GARIN5B: variants seen among roughly 807,000 people sequenced by gnomAD.
The protein encoded by GARIN5B is Golgi-associated RAB2 interactor protein 5B.
chr19:55,358,628 A>G, the GARIN5B span: 9 of 1,551,340 alleles, frequency 5.8e-6, no homozygotes, highest in Non-Finnish European at 5.2e-6. Context: ...CCCCTCCAGT[A>G]AGGACAGCTG....
chr19:55,359,269 A>C, the GARIN5B span: 1 of 1,545,890 alleles, frequency 6.5e-7, no homozygotes. Context: ...GGGATGGGGC[A>C]GGGAGGAGTA....
the GARIN5B span, chr19:55,362,358 G>A: frequency 7.9e-3 from 12,286 of 1,550,548 alleles, 111 homozygotes; most frequent in East Asian, 0.029. Context: ...TTGATGAGGC[G>A]GACCCAGCAG....
the GARIN5B span, among the ~76,000 whole-genome samples, chr19:55,357,438 A>G: frequency 6.6e-6 from 1 of 152,194 alleles, no homozygotes. Flanking sequence ...CCCGTGGTCC[A>G]GCACATTACA....
At chr19:55,355,309 C>T in the GARIN5B span, 35 of 1,550,116 alleles carry the variant, frequency 2.3e-5, no homozygotes, top group South Asian at 3.7e-4. Flanking sequence ...GTTAAGCCCC[C>T]GCATCCGGCC....
At chr19:55,362,687 G>A in the GARIN5B span, 114 of 1,543,942 alleles carry the variant, frequency 7.4e-5, no homozygotes, top group Non-Finnish European at 8.9e-5. Flanking sequence ...ATGGCCAGCC[G>A]GTTGGTTCTG....
chr19:55,357,985 C>T, the GARIN5B span, among the ~76,000 whole-genome samples: 5 of 149,566 alleles, frequency 3.3e-5, no homozygotes, highest in African/African-American at 9.9e-5. Context: ...ACCCAGGAGG[C>T]GGAGGTTGCA....
At chr19:55,355,938 G>A in the GARIN5B span, among the ~76,000 whole-genome samples, 1 of 148,860 alleles carries the variant, frequency 6.7e-6, no homozygotes, top group Admixed American at 6.7e-5. Context: ...AGTGAGCTGT[G>A]ATGGCATCAC....
the GARIN5B span, chr19:55,362,710 A>T: frequency 6.5e-7 from 1 of 1,538,308 alleles, no homozygotes; most frequent in Non-Finnish European, 8.8e-7. Context: ...ATTCACGAAC[A>T]CTGGGCCCCC....
At chr19:55,362,144 C>A in the GARIN5B span, 1 of 1,413,820 alleles carries the variant, frequency 7.1e-7, no homozygotes. Flanking sequence ...GGGTCCAGGC[C>A]CCCGGCCTAG....
the GARIN5B span, chr19:55,362,787 C>T: frequency 6.7e-7 from 1 of 1,497,122 alleles, no homozygotes; most frequent in East Asian, 2.5e-5. Context: ...GCAGCCACAG[C>T]CTGAGCCTCC....
chr19:55,363,129 C>G, the GARIN5B span: 1 of 1,408,404 alleles, frequency 7.1e-7, no homozygotes, highest in South Asian at 1.6e-5. This position sits in a 1 kb window ranked among gnomAD's most constrained non-coding sequence, Gnocchi z 4.0. Context: ...GGCCTCCCAG[C>G]CCCGGCCCAC....
the GARIN5B span, chr19:55,362,749 G>A: frequency 1.3e-6 from 2 of 1,522,368 alleles, no homozygotes; most frequent in East Asian, 2.5e-5. Context: ...CAGCCAGGGA[G>A]AGGGGGCTGG....
chr19:55,358,436 C>G, the GARIN5B span: 1 of 1,514,356 alleles, frequency 6.6e-7, no homozygotes, highest in South Asian at 1.3e-5. Flanking sequence ...CTGGGAGATT[C>G]CTTCCCTCTT....
the GARIN5B span, among the ~76,000 whole-genome samples, chr19:55,355,909 C>T: frequency 6.6e-6 from 1 of 151,408 alleles, no homozygotes; most frequent in East Asian, 1.9e-4. Flanking sequence ...TCACCTGAGC[C>T]TGGGTAGCTT....
At chr19:55,362,202 C>T in the GARIN5B span, 1 of 1,473,140 alleles carries the variant, frequency 6.8e-7, no homozygotes, top group Admixed American at 2.5e-5. Context: ...CCGGAGGGTT[C>T]CTGGGGCCTG....
the GARIN5B span, chr19:55,355,204 G>A: frequency 6.1e-3 from 447 of 72,714 alleles, 1 homozygote; most frequent in Non-Finnish European, 8.6e-3. Context: ...CTCCTCCCTC[G>A]CCCCCCTCCC....
At chr19:55,361,094 G>T in the GARIN5B span, 12 of 1,551,112 alleles carry the variant, frequency 7.7e-6, no homozygotes, top group Admixed American at 1.8e-4. Flanking sequence ...TTGAAACTGC[G>T]CTTGAGCGCC....
the GARIN5B span, chr19:55,355,408 A>G: frequency 2.0e-6 from 3 of 1,514,990 alleles, no homozygotes; most frequent in East Asian, 2.5e-5. Context: ...AGGGGTACCC[A>G]GGGCTTTAAG....
the GARIN5B span, chr19:55,358,145 C>T: frequency 6.8e-7 from 1 of 1,471,408 alleles, no homozygotes. Context: ...CCCCCGCTAC[C>T]TGGGCAGAAG....
Sources: allele counts gnomAD v4.1 joint callset (sites outside exome capture counted in the v4.1 genomes callset), GRCh38; gene constraint gnomAD v4.1.1; non-coding constraint Gnocchi (gnomAD v3.1); transcripts MANE v1.5; gene names NCBI Gene and HGNC (gene_info 2026-07-23, HGNC 2026-07-21).